Variants in TMCO4 observed in about 807,000 individuals in gnomAD.
TMCO4 encodes transmembrane and coiled-coil domains 4.
In TMCO4, 58 loss-of-function variants were observed where a neutral mutation model predicts 64.7. The ratio of observed to expected loss-of-function variants is 0.90; its 90% CI spans 0.73 to 1.12. TMCO4 has a LOEUF of 1.12. Ranked by LOEUF, TMCO4 falls within the 50% of genes most tolerant of loss-of-function variation. TMCO4 has a pLI of 0.00. For missense variants in TMCO4, 780 were observed against 825.9 expected (o/e 0.94, Z 0.68); for synonymous variants, 325 against 346.1 (o/e 0.94, Z 0.68).
At chr1:19,718,675 G>T (rs1189910508) in intron 13 of TMCO4, among the ~76,000 whole-genome samples, 1 of 61,966 alleles carries the variant, frequency 1.6e-5, no homozygotes, top group Non-Finnish European at 3.3e-5. Context: ...AAGAGAGAGA[G>T]AAAATGCAAC....
chr1:19,790,743 G>A (rs1463947117), intron 2 of TMCO4, among the ~76,000 whole-genome samples: 4 of 152,138 alleles, frequency 2.6e-5, no homozygotes, highest in Admixed American at 2.0e-4. Flanking sequence ...TGTCGAAGAC[G>A]GTGTGGCGAT....
intron 13 of TMCO4, among the ~76,000 whole-genome samples, chr1:19,727,251 C>T (rs1052828879): frequency 1.3e-5 from 2 of 152,174 alleles, no homozygotes; most frequent in African/African-American, 4.8e-5. Context: ...TAGGACAGGA[C>T]GTGCAGACAA....
At chr1:19,709,022 G>C in intron 13 of TMCO4, among the ~76,000 whole-genome samples, 1 of 152,102 alleles carries the variant, frequency 6.6e-6, no homozygotes, top group Non-Finnish European at 1.5e-5. Context: ...AGATACACAC[G>C]TGCACATGAT....
At chr1:19,688,661 G>A (rs1163972137) in intron 15 of TMCO4, among the ~76,000 whole-genome samples, 1 of 152,144 alleles carries the variant, frequency 6.6e-6, no homozygotes, top group African/African-American at 2.4e-5. Flanking sequence ...AACAGCCCAG[G>A]TTCATCCGGC....
chr1:19,753,880 T>C (rs1341047532), intron 7 of TMCO4, among the ~76,000 whole-genome samples: 6 of 152,172 alleles, frequency 3.9e-5, no homozygotes, highest in Admixed American at 3.9e-4. Flanking sequence ...TAGACTACAA[T>C]AGGGTCTATA....
intron 4 of TMCO4, among the ~76,000 whole-genome samples, chr1:19,776,348 T>A (rs1260764372): frequency 6.6e-6 from 1 of 152,232 alleles, no homozygotes; most frequent in Non-Finnish European, 1.5e-5. Context: ...CAGCCACCTG[T>A]GTTTATAACA....
At chr1:19,730,271 C>T (rs11590415) in intron 13 of TMCO4, among the ~76,000 whole-genome samples, 4,297 of 152,306 alleles carry the variant, frequency 0.028, 223 homozygotes, top group African/African-American at 0.097. Context: ...AGGAAACATA[C>T]GTTGATATGG....
At chr1:19,729,282 G>A (rs886884563) in intron 13 of TMCO4, among the ~76,000 whole-genome samples, 13 of 151,722 alleles carry the variant, frequency 8.6e-5, no homozygotes, top group African/African-American at 1.5e-4. Context: ...GCCAAGTAGC[G>A]GGGAATACAG....
chr1:19,703,995 C>CAGCCCAG (rs1051485621), intron 13 of TMCO4, among the ~76,000 whole-genome samples: 3 of 152,220 alleles, frequency 2.0e-5, no homozygotes, highest in Non-Finnish European at 4.4e-5. Context: ...CAGACAGAGA[C>CAGCCCAG]AGCTTCCTCT....
intron 14 of TMCO4, 136 bp from the exon 15 acceptor site, chr1:19,694,687 G>T: frequency 1.4e-6 from 1 of 733,166 alleles, no homozygotes; most frequent in Non-Finnish European, 2.3e-6. Flanking sequence ...CTGATTGCAC[G>T]GTGGGGATGG....
At chr1:19,687,141 A>C (rs772986481) in intron 15 of TMCO4, among the ~76,000 whole-genome samples, 1 of 152,078 alleles carries the variant, frequency 6.6e-6, no homozygotes, top group Non-Finnish European at 1.5e-5. Context: ...TAGTAGAGAC[A>C]GTATTTCACC....
At chr1:19,785,966 C>T (rs1276566832) in intron 3 of TMCO4, among the ~76,000 whole-genome samples, 1 of 152,166 alleles carries the variant, frequency 6.6e-6, no homozygotes, top group Non-Finnish European at 1.5e-5. Flanking sequence ...GACAAATACA[C>T]AGACAATGGT....
At chr1:19,731,135 G>T (rs548521810) in intron 13 of TMCO4, among the ~76,000 whole-genome samples, 1 of 152,204 alleles carries the variant, frequency 6.6e-6, no homozygotes, top group South Asian at 2.1e-4. Flanking sequence ...GTAATACAAG[G>T]GCAAGGACTT....
At chr1:19,715,420 A>G (rs570798420) in intron 13 of TMCO4, among the ~76,000 whole-genome samples, 1 of 152,194 alleles carries the variant, frequency 6.6e-6, no homozygotes, top group Admixed American at 6.5e-5. Context: ...ATTAAAAACA[A>G]TTGTTTTTAG....
chr1:19,707,695 C>G (rs2095309472), intron 13 of TMCO4, among the ~76,000 whole-genome samples: 2 of 152,202 alleles, frequency 1.3e-5, no homozygotes, highest in African/African-American at 4.8e-5. Context: ...GCCTAGCCTT[C>G]TCGGTTGTAT....
intron 2 of TMCO4, among the ~76,000 whole-genome samples, chr1:19,796,482 G>A (rs934279604): frequency 6.6e-6 from 1 of 152,050 alleles, no homozygotes; most frequent in Non-Finnish European, 1.5e-5. Flanking sequence ...AGGGCACCAG[G>A]GATTCGCAAT....
chr1:19,794,194 C>T (rs1286720667), intron 2 of TMCO4, among the ~76,000 whole-genome samples: 7 of 152,150 alleles, frequency 4.6e-5, no homozygotes, highest in African/African-American at 1.7e-4. Context: ...AAGGACACAG[C>T]CAACTCCCTC....
In TMCO4 at chr1:19,682,976, C is replaced by T. The variant is rs1040559678; in HGVS notation, c.*64G>A. The T allele has an allele frequency of 3.0e-5, 45 of 1,517,298 alleles. No homozygotes were observed. The African/African-American group carries it at 6.1e-4, about 21-fold the overall frequency. 94.0% of individuals were successfully genotyped at this position (1,517,298 alleles called of 1,614,324 possible). ...TACCTCCAGAGCTCCTGGGAGGAACCCGAGGGTATAAGAGAGAGCTGCATA... is the reference window on the plus strand; with the variant it reads ...TACCTCCAGAGCTCCTGGGAGGAACTCGAGGGTATAAGAGAGAGCTGCATA... On this transcript the variant is annotated 3_prime_UTR_variant, in exon 16 of 16. Transcript: ENST00000294543.
chr1:19,773,780 T>C (rs565332804), intron 4 of TMCO4, among the ~76,000 whole-genome samples: 2 of 152,194 alleles, frequency 1.3e-5, no homozygotes, highest in Non-Finnish European at 2.9e-5. Context: ...GAGCCTGGCA[T>C]GTAGTAGAGG....
Sources: allele counts gnomAD v4.1 joint callset (sites outside exome capture counted in the v4.1 genomes callset), GRCh38; gene constraint gnomAD v4.1.1; transcripts MANE v1.5; gene names NCBI Gene and HGNC (gene_info 2026-07-23, HGNC 2026-07-21).